UBE2V2: variants seen among roughly 807,000 people sequenced by gnomAD.
UBE2V2 encodes ubiquitin conjugating enzyme E2 V2.
UBE2V2 carries 9 observed loss-of-function variants against 17.2 expected under a neutral mutation model. The ratio of observed to expected loss-of-function variants is 0.52; its 90% CI spans 0.32 to 0.91. The LOEUF is 0.91. Among genes scored for constraint, UBE2V2 ranks in the 40% least tolerant of loss-of-function variants. The pLI, the probability that UBE2V2 is intolerant of heterozygous loss-of-function variation, is 0.04. For missense variants in UBE2V2, 133 were observed against 182.6 expected (o/e 0.73, Z 1.56); for synonymous variants, 61 against 57.5 (o/e 1.06, Z -0.28).
intron 1 of UBE2V2, among the ~76,000 whole-genome samples, chr8:48,013,606 G>A (rs1018968908): frequency 1.3e-5 from 2 of 152,300 alleles, no homozygotes; most frequent in African/African-American, 4.8e-5. Context: ...ACCGCGCCCG[G>A]CCCACATGAA....
chr8:48,035,282 A>AT (rs1343385374), intron 1 of UBE2V2, among the ~76,000 whole-genome samples: 3 of 150,116 alleles, frequency 2.0e-5, no homozygotes, highest in Admixed American at 6.7e-5. Flanking sequence ...TGCCCAGCTA[A>AT]TTTTTTTTTG....
intron 1 of UBE2V2, among the ~76,000 whole-genome samples, chr8:48,040,445 A>G (rs1470713479): frequency 1.3e-5 from 2 of 152,134 alleles, no homozygotes; most frequent in Non-Finnish European, 2.9e-5. Flanking sequence ...TCATGCCTCT[A>G]TTCTCTTTAC....
chr8:48,048,258 A>T (rs2091513550), intron 2 of UBE2V2, among the ~76,000 whole-genome samples: 1 of 152,184 alleles, frequency 6.6e-6, no homozygotes, highest in South Asian at 2.1e-4. Context: ...CAGTTGTGTT[A>T]TCTCATGTAG....
rs887552414 is a variant in UBE2V2 at position 48,015,376 on chromosome 8, C to CA, written c.16+6916dup. Among the ~76,000 whole-genome samples, 461 of 147,888 alleles carry CA rather than the reference C, an allele frequency of 3.1e-3. 3 individuals are homozygous for CA. The highest frequency in any genetic ancestry group is 0.01 in the African/African-American group (421 of 40,268). ...TGGGCGACAGAGCAAGACACTGTGT[C>CA]AAAAAAAAAATTAATTTGAACAATG... On this transcript the variant is annotated intron_variant, in intron 1 of 3. Transcript: ENST00000523111.
chr8:48,018,009 G>A (rs2154506869), intron 1 of UBE2V2, among the ~76,000 whole-genome samples: 1 of 151,980 alleles, frequency 6.6e-6, no homozygotes, highest in South Asian at 2.1e-4. Context: ...CTAATGTTTT[G>A]TATTTTTAGT....
At chr8:48,018,554 A>G (rs1010676183) in intron 1 of UBE2V2, among the ~76,000 whole-genome samples, 13 of 152,152 alleles carry the variant, frequency 8.5e-5, no homozygotes, top group Non-Finnish European at 1.5e-5. Flanking sequence ...ATTTGTTAAG[A>G]CTTATTTTGT....
the UBE2V2 span, among the ~76,000 whole-genome samples, chr8:48,003,408 T>C: frequency 2.0e-5 from 3 of 152,238 alleles, no homozygotes; most frequent in Non-Finnish European, 2.9e-5. Flanking sequence ...CTTTAAGTGG[T>C]TGAACTTTGT....
chr8:48,019,798 G>C (rs1176192415), intron 1 of UBE2V2, among the ~76,000 whole-genome samples: 2 of 151,538 alleles, frequency 1.3e-5, no homozygotes, highest in Non-Finnish European at 2.9e-5. Flanking sequence ...CTGGGTGACA[G>C]AGCTAGACTC....
chr8:48,035,878 G>A (rs1346841180), intron 1 of UBE2V2, among the ~76,000 whole-genome samples: 1 of 148,422 alleles, frequency 6.7e-6, no homozygotes, highest in Admixed American at 6.7e-5. Flanking sequence ...GTGACAGAGT[G>A]ACACTCCGTC....
chr8:48,030,839 C>T (rs1396344416), intron 1 of UBE2V2, among the ~76,000 whole-genome samples: 10 of 151,868 alleles, frequency 6.6e-5, no homozygotes, highest in Non-Finnish European at 1.2e-4. Context: ...TTGGCCAACA[C>T]GGTGAAACCC....
chr8:48,047,797 C>T (rs1374684563), intron 2 of UBE2V2, among the ~76,000 whole-genome samples: 1 of 152,114 alleles, frequency 6.6e-6, no homozygotes, highest in Non-Finnish European at 1.5e-5. Context: ...GTCTGCCCGC[C>T]TTTGGCCTCC....
At chr8:48,055,904 G>T (rs1000553453) in intron 3 of UBE2V2, among the ~76,000 whole-genome samples, 1 of 151,750 alleles carries the variant, frequency 6.6e-6, no homozygotes, top group Non-Finnish European at 1.5e-5. Context: ...GACTACAGGC[G>T]CCCGCCACCA....
chr8:48,040,978 C>T (rs1386972242), intron 1 of UBE2V2, among the ~76,000 whole-genome samples: 1 of 149,080 alleles, frequency 6.7e-6, no homozygotes, highest in African/African-American at 2.5e-5. Flanking sequence ...CATTCTCCTG[C>T]CTCAGCCTCC....
intron 1 of UBE2V2, among the ~76,000 whole-genome samples, chr8:48,016,745 G>T (rs1431778554): frequency 6.7e-6 from 1 of 149,738 alleles, no homozygotes; most frequent in Non-Finnish European, 1.5e-5. Context: ...GCCTCCCAAG[G>T]TACTGGGATT....
At chr8:48,019,650 A>G (rs1330335280) in intron 1 of UBE2V2, among the ~76,000 whole-genome samples, 1 of 151,352 alleles carries the variant, frequency 6.6e-6, no homozygotes, top group Non-Finnish European at 1.5e-5. Context: ...CCCCGTCTCT[A>G]CTAAAAATAC....
chr8:48,051,267 C>T (rs1297829552), intron 3 of UBE2V2, among the ~76,000 whole-genome samples: 1 of 152,126 alleles, frequency 6.6e-6, no homozygotes, highest in Non-Finnish European at 1.5e-5. Flanking sequence ...GAAGCCTAGG[C>T]TCTCTTGGTG....
chr8:48,006,056 G>A (rs2091180709), upstream of UBE2V2, among the ~76,000 whole-genome samples: 1 of 152,166 alleles, frequency 6.6e-6, no homozygotes, highest in African/African-American at 2.4e-5. Flanking sequence ...TGTTGCCATT[G>A]CTTTTGGTGT....
At chr8:48,031,099 C>G (rs546182358) in intron 1 of UBE2V2, among the ~76,000 whole-genome samples, 1 of 151,896 alleles carries the variant, frequency 6.6e-6, no homozygotes, top group African/African-American at 2.4e-5. Context: ...ATCCCAGCTA[C>G]TTCGGAGGCT....
chr8:48,002,241 G>A, the UBE2V2 span, among the ~76,000 whole-genome samples: 6 of 152,170 alleles, frequency 3.9e-5, no homozygotes, highest in African/African-American at 1.4e-4. Flanking sequence ...TCAAACCACT[G>A]CAAATATTAT....
Sources: allele counts gnomAD v4.1 joint callset (sites outside exome capture counted in the v4.1 genomes callset), GRCh38; gene constraint gnomAD v4.1.1; transcripts MANE v1.5; gene names NCBI Gene and HGNC (gene_info 2026-07-23, HGNC 2026-07-21).